Variants in TTN observed in about 807,000 individuals in gnomAD.
The protein encoded by TTN is titin.
In TTN, 1,525 loss-of-function variants were observed where a neutral mutation model predicts 3,223.0. That is an observed-to-expected ratio of 0.47 (90% confidence interval 0.45 to 0.49). The LOEUF (loss-of-function observed/expected upper bound fraction) is 0.49, where lower values mean the gene tolerates loss of function less well. Ranked by LOEUF, TTN falls within the 20% of genes least tolerant of loss-of-function variation. The pLI, the probability that TTN is intolerant of heterozygous loss-of-function variation, is 0.00. For synonymous variants in TTN, 14,094 were observed against 15,161.0 expected (o/e 0.93, Z 5.17); for missense variants, 40,786 against 43,424.0 (o/e 0.94, Z 5.40).
rs371827403 is a variant in TTN at position 178,609,328 on chromosome 2, T to G, written c.51982A>C (p.Lys17328Gln). ...LTQRLSIDNSKKGESQLRVRD... is the reference protein window; with the variant it reads ...LTQRLSIDNSQKGESQLRVRD... ...ACGCGTAGCTGAGATTCTCCCTTTTTGCTGTTGTCAATACTCAAACGCTGT... is the reference window on the plus strand; with the variant it reads ...ACGCGTAGCTGAGATTCTCCCTTTTGGCTGTTGTCAATACTCAAACGCTGT... Residue 17328 changes from lysine (K) to glutamine (Q), a missense_variant, in exon 273 of 363, where the codon AAA becomes CAA. Lys to Gln is a moderately conservative substitution (Grantham distance 53). Coordinates refer to ENST00000589042, the MANE Select transcript of TTN (RefSeq NM_001267550.2). The G allele has an allele frequency of 1.2e-6, 2 of 1,610,510 alleles. No homozygotes were observed. Among genetic ancestry groups the G allele is most frequent in the East Asian group, 2.2e-5 (1 of 44,598 alleles).
intron 50 of TTN, among the ~76,000 whole-genome samples, chr2:178,735,252 A>G (rs926374177): frequency 2.6e-5 from 4 of 152,216 alleles, no homozygotes; most frequent in Admixed American, 2.6e-4. Flanking sequence ...TTGCTCAGAC[A>G]CTTGGAGTTT....
chr2:178,553,500 A>G lies in TTN; in HGVS notation c.89503+2T>C. 1 of 1,606,172 alleles carries G rather than the reference A, an allele frequency of 6.2e-7. No homozygotes were observed. ...AACATAATCAAACCAGTAGGTACAT[A>G]CCAAGTATATCTTTAGCTTGTACAG... On this transcript the variant is annotated splice_donor_variant, in intron 334 of 362. Transcript: ENST00000589042. LOFTEE classifies it high-confidence loss of function.
At chr2:178,727,403 G>T in intron 68 of TTN, 32 bp from the exon 69 acceptor site, 4 of 1,532,934 alleles carry the variant, frequency 2.6e-6, no homozygotes, top group South Asian at 1.3e-5. Context: ...GAGTATCAGG[G>T]AACAGAAATA....
intron 34 of TTN, 30 bp downstream of exon 34, chr2:178,771,181 T>A (rs761042640): frequency 6.2e-7 from 1 of 1,613,296 alleles, no homozygotes; most frequent in African/African-American, 1.3e-5. Context: ...TGTAATATGA[T>A]TTGAAAAGGA....
At chr2:178,558,680 G>C (rs1486636310) in intron 326 of TTN, 43 bp from the exon 327 acceptor site, 1 of 1,576,312 alleles carries the variant, frequency 6.3e-7, no homozygotes, top group Non-Finnish European at 8.6e-7. Flanking sequence ...AATTATTACA[G>C]CACTTTTAAA....
chr2:178,583,770 C>G lies in TTN; in HGVS notation c.65412G>C (p.Trp21804Cys). Reference protein sequence around the residue: ...VEACKLPGDKWVRCNTAPHQI... With the variant: ...VEACKLPGDKCVRCNTAPHQI... ...GGTGAGGTGCAGTATTGCACCGTAC[C>G]CATTTATCACCAGGAAGTTTGCAAG... Residue 21804 changes from tryptophan to cysteine, a missense_variant, in exon 312 of 363, where the codon TGG becomes TGC. Trp to Cys is a radical substitution (Grantham distance 215). Coordinates refer to ENST00000589042, the MANE Select transcript of TTN (RefSeq NM_001267550.2). The G allele has an allele frequency of 1.2e-6, 2 of 1,611,186 alleles. No homozygotes were observed. The highest frequency in any genetic ancestry group is 1.7e-4 in the Middle Eastern group (1 of 6,052).
intron 47 of TTN, chr2:178,746,500 T>C: frequency 6.2e-7 from 1 of 1,613,122 alleles, no homozygotes; most frequent in Non-Finnish European, 8.5e-7. Flanking sequence ...TTCTTGATGA[T>C]GTGGTGTGTT....
At chr2:178,671,264 C>A in intron 155 of TTN, 94 bp from the exon 156 acceptor site, 1 of 793,856 alleles carries the variant, frequency 1.3e-6, no homozygotes, top group Non-Finnish European at 1.9e-6. Flanking sequence ...TCACAAAATT[C>A]TTTATCTATA....
At position 178,535,260 on chromosome 2, in the gene TTN, ATCT is replaced by A; in HGVS notation, c.101352_101354del (p.Glu33784del). On this transcript the variant is annotated inframe_deletion, in exon 358 of 363. Transcript: ENST00000589042. ...CATCATAGTTCATAGCTCTGGTCTT[ATCT>A]TCTTTGGTTATGGTTGGTTCTGAAG... The A allele has an allele frequency of 1.2e-6, 2 of 1,613,856 alleles. No individual in the cohort carries two copies. The highest frequency in any genetic ancestry group is 2.2e-5 in the South Asian group (2 of 91,078).
At chr2:178,802,081 A>G in intron 3 of TTN, 57 bp downstream of exon 3, 8 of 1,609,938 alleles carry the variant, frequency 5.0e-6, no homozygotes, top group Non-Finnish European at 6.8e-6. Flanking sequence ...TCCTTTCCCA[A>G]TTTGCTGGAG....
chr2:178,555,347 T>C (rs1700977869), intron 330 of TTN, 195 bp from the exon 331 acceptor site: 1 of 568,090 alleles, frequency 1.8e-6, no homozygotes, highest in African/African-American at 2.2e-5. Context: ...GTAGAAAGAC[T>C]GTGAGTTGTG....
At chr2:178,632,024 C>A in intron 236 of TTN, 123 bp downstream of exon 236, 2 of 1,023,084 alleles carry the variant, frequency 2.0e-6, no homozygotes, top group Non-Finnish European at 1.3e-6. Context: ...TATGTGATAG[C>A]TTCTTAAGGA....
At chr2:178,674,984 A>T in intron 150 of TTN, 55 bp downstream of exon 150, 1 of 1,076,172 alleles carries the variant, frequency 9.3e-7, no homozygotes, top group Non-Finnish European at 1.3e-6. Flanking sequence ...CAAATATTAG[A>T]CAATAATAAG....
rs937827843 is a variant in TTN at position 178,695,536 on chromosome 2, A to G, written c.31208-126T>C. The G allele has an allele frequency of 1.2e-5, 9 of 721,858 alleles. No individual in the cohort carries two copies. In the African/African-American group the frequency reaches 1.4e-4, roughly 11 times the overall value. The allele number at this position is 721,858 out of a possible 1,614,324, so 44.7% of individuals were successfully genotyped here. ...GTGAAGTATTATATTTGGGATCGTT[A>G]TTACCAACACAATTCTTAGTGCTAG... On this transcript the variant is annotated intron_variant, in intron 114 of 362. Transcript: ENST00000589042.
At position 178,721,841 on chromosome 2, in the gene TTN, T is replaced by C. The variant is rs2078418751; in HGVS notation, c.22816+6A>G. Reference sequence around the variant, plus strand: ...ACAAATATTGTCAAAAGTCATGGAATGATACCTTTTACACTGAGCTGAGCT... The same window carrying C: ...ACAAATATTGTCAAAAGTCATGGAACGATACCTTTTACACTGAGCTGAGCT... On this transcript the variant is annotated splice_donor_region_variant and intron_variant, in intron 78 of 362. Coordinates refer to ENST00000589042, the MANE Select transcript of TTN (RefSeq NM_001267550.2). 1 of 1,546,874 alleles carries C rather than the reference T, an allele frequency of 6.5e-7. No individual in the cohort carries two copies.
Position 178,672,133 on chromosome 2 carries a change from C to G in TTN, c.35065G>C (p.Glu11689Gln). The G allele has an allele frequency of 6.2e-7, 1 of 1,609,600 alleles. No homozygotes were observed. Among genetic ancestry groups the G allele is most frequent in the Admixed American group, 1.7e-5 (1 of 59,286 alleles). Reference protein sequence around the residue: ...PEEEEFHEVEEYFEEGEFHEV... With the variant: ...PEEEEFHEVEQYFEEGEFHEV... Reference sequence around the variant, plus strand: ...TGAAACTCGCCTTCTTCAAAATATTCTTCAACTTCATGGAACTCTTCTTCT... The same window carrying G: ...TGAAACTCGCCTTCTTCAAAATATTGTTCAACTTCATGGAACTCTTCTTCT... The change falls in exon 155 of 363, where the codon GAA becomes CAA. Residue 11689 changes from glutamate to glutamine, a missense_variant. Transcript: ENST00000589042.
rs876657664 is a variant in TTN, at chr2:178,636,087, TG to T, written c.41483del (p.Pro13828GlnfsTer6). On this transcript the variant is annotated frameshift_variant, in exon 226 of 363. Transcript: ENST00000589042. LOFTEE classifies it high-confidence loss of function. This position sits in a 1 kb window ranked among gnomAD's most constrained non-coding sequence, Gnocchi z 4.3. ...GAGCCCGCATCAAGCCAATGACGCC[TG>T]GCACAATTCGGCCAGGTTTCTCCAC... ...IVVEKPGRIV[P>X]GVIGLMRALT... 1 of 1,613,294 alleles carries T rather than the reference TG, an allele frequency of 6.2e-7. No individual in the cohort carries two copies. The highest frequency in any genetic ancestry group is 1.7e-5 in the Admixed American group (1 of 59,988).
rs72648222 is a variant in TTN, at chr2:178,561,313, C to A, written c.84819G>T (p.Trp28273Cys). The A allele has an allele frequency of 1.2e-6, 2 of 1,613,794 alleles. No individual in the cohort carries two copies. Among genetic ancestry groups the A allele is most frequent in the African/African-American group, 1.3e-5 (1 of 75,034 alleles). ...NITRKSVSLK[W>C]SKPHYDGGAK... ...CTCCACCATCATAATGTGGTTTAGA[C>A]CATTTAAGTGACACTGATTTTCTTG... is the stretch of plus-strand genomic sequence containing the variant. The change falls in exon 326 of 363, where the codon TGG becomes TGT. Residue 28273 changes from tryptophan (W) to cysteine (C), a missense_variant. By Grantham distance (215) the Trp-to-Cys change is radical. Transcript: ENST00000589042.
Position 178,631,015 on chromosome 2 carries a change from C to T in TTN, c.44014+19G>A, listed in dbSNP as rs139264089. The T allele has an allele frequency of 6.2e-7, 1 of 1,612,772 alleles. No individual in the cohort carries two copies. Among genetic ancestry groups the T allele is most frequent in the African/African-American group, 1.3e-5 (1 of 74,956 alleles). ...TAACCCCAATGCTTCAAGAGTGAAA[C>T]TCATGGAAATTTCCTTACCCTCAAT... is the stretch of plus-strand genomic sequence containing the variant. On this transcript the variant is annotated intron_variant, in intron 237 of 362. Transcript: ENST00000589042.
Sources: allele counts gnomAD v4.1 joint callset (sites outside exome capture counted in the v4.1 genomes callset), GRCh38; gene constraint gnomAD v4.1.1; non-coding constraint Gnocchi (gnomAD v3.1); transcripts MANE v1.5; gene names NCBI Gene and HGNC (gene_info 2026-07-23, HGNC 2026-07-21).